NUDT3: variants seen among roughly 807,000 people sequenced by gnomAD.
The protein encoded by NUDT3 is nudix hydrolase 3, also known as diphosphoinositol polyphosphate phosphohydrolase 1.
In NUDT3, 9 loss-of-function variants were observed where a neutral mutation model predicts 23.6. The ratio of observed to expected loss-of-function variants is 0.38; its 90% CI spans 0.23 to 0.66. NUDT3 has a LOEUF of 0.66. NUDT3 is among the 30% of genes least tolerant of loss of function. The pLI is 0.52. For synonymous variants in NUDT3, 86 were observed against 82.6 expected, an observed-to-expected ratio of 1.04 and a Z score of -0.22; for missense variants, 172 against 218.5, an observed-to-expected ratio of 0.79 and a Z score of 1.34.
At chr6:34,343,097 A>G (rs1217321590) in intron 1 of NUDT3, among the ~76,000 whole-genome samples, 1 of 152,202 alleles carries the variant, frequency 6.6e-6, no homozygotes, top group African/African-American at 2.4e-5. Flanking sequence ...CTCAGTCACT[A>G]ATATATAGGC....
At chr6:34,367,722 C>T (rs1018709243) in intron 1 of NUDT3, among the ~76,000 whole-genome samples, 1 of 152,096 alleles carries the variant, frequency 6.6e-6, no homozygotes, top group Non-Finnish European at 1.5e-5. Context: ...TCTCATTTTA[C>T]CATAAAATAA....
chr6:34,379,251 T>G (rs1338729414), intron 1 of NUDT3, among the ~76,000 whole-genome samples: 3 of 152,196 alleles, frequency 2.0e-5, no homozygotes, highest in African/African-American at 7.2e-5. Context: ...TTTATACTTT[T>G]TATGACTTAT....
intron 1 of NUDT3, among the ~76,000 whole-genome samples, chr6:34,351,198 TAAAAAAAA>T (rs71000051): frequency 0.028 from 494 of 17,882 alleles, 36 homozygotes; most frequent in East Asian, 0.15. Context: ...CTCCCCTGCC[TAAAAAAAA>T]AAAAAAAAAA....
At position 34,370,125 on chromosome 6, in the gene NUDT3, A is replaced by G. The variant is rs561261147; in HGVS notation, c.99+22139T>C. The stretch of plus-strand genomic sequence containing the variant: ...CTCAAAATCCAAACAGATTATCCAT[A>G]GAACATTTATGACCATTTGCACCTG... On this transcript the variant is annotated intron_variant, in intron 1 of 4. Transcript: ENST00000607016. 2.0e-5 allele frequency among the ~76,000 whole-genome samples: 3 copies of G among 152,368 alleles called. No homozygotes were observed. In the South Asian group the frequency reaches 6.2e-4, roughly 32 times the overall value.
chr6:34,282,251 G>A lies in NUDT3; in HGVS notation c.*6502C>T, dbSNP rs989141359. ...ATAATAAAGAGGTTAAAGAGGCTAC[G>A]TGGATCTGTCACTGCTTTAGCTTAC... On this transcript the variant is annotated 3_prime_UTR_variant, in exon 5 of 5. Coordinates refer to ENST00000607016, the MANE Select transcript of NUDT3 (RefSeq NM_006703.4). The A allele has an allele frequency of 5.8e-4, 88 of 152,134 alleles. No homozygotes were observed. The highest frequency in any genetic ancestry group is 2.1e-3 in the African/African-American group (86 of 41,422). 9.4% of individuals were successfully genotyped at this position (152,134 alleles called of 1,614,324 possible).
At chr6:34,308,334 A>G (rs1361772622) in intron 2 of NUDT3, among the ~76,000 whole-genome samples, 2 of 151,372 alleles carry the variant, frequency 1.3e-5, no homozygotes, top group African/African-American at 4.9e-5. Context: ...GTGTGTGCCT[A>G]CATGTAATCA....
At chr6:34,309,500 C>T (rs1006282042) in intron 2 of NUDT3, among the ~76,000 whole-genome samples, 1 of 151,698 alleles carries the variant, frequency 6.6e-6, no homozygotes, top group East Asian at 1.9e-4. Flanking sequence ...CAAATTAAAT[C>T]CAAGTAAGCA....
intron 2 of NUDT3, among the ~76,000 whole-genome samples, chr6:34,331,541 T>A (rs1428811135): frequency 6.6e-6 from 1 of 152,176 alleles, no homozygotes; most frequent in African/African-American, 2.4e-5. Context: ...ACAGGTGGCA[T>A]GAGCCAGAGG....
chr6:34,359,170 G>A (rs1254967616), intron 1 of NUDT3, among the ~76,000 whole-genome samples: 4 of 152,122 alleles, frequency 2.6e-5, no homozygotes, highest in African/African-American at 7.2e-5. Context: ...TCAGGAGATC[G>A]AAACCATCCT....
chr6:34,387,570 T>C (rs957183620), intron 1 of NUDT3, among the ~76,000 whole-genome samples: 3 of 150,728 alleles, frequency 2.0e-5, no homozygotes, highest in Non-Finnish European at 4.4e-5. Context: ...CATGGCGGCA[T>C]ACACCAGTTG....
At chr6:34,301,685 C>A (rs965286149) in intron 2 of NUDT3, among the ~76,000 whole-genome samples, 20 of 152,336 alleles carry the variant, frequency 1.3e-4, no homozygotes, top group African/African-American at 4.8e-4. Context: ...CCAGCTGACA[C>A]CAGAAGTTGA....
intron 2 of NUDT3, among the ~76,000 whole-genome samples, chr6:34,333,478 A>T (rs1248852975): frequency 2.6e-5 from 4 of 152,226 alleles, no homozygotes; most frequent in Non-Finnish European, 4.4e-5. Flanking sequence ...AACCACTGCA[A>T]ACATTTTGGT....
intron 1 of NUDT3, among the ~76,000 whole-genome samples, chr6:34,342,599 C>T (rs1764305115): frequency 6.6e-6 from 1 of 152,194 alleles, no homozygotes; most frequent in Non-Finnish European, 1.5e-5. Flanking sequence ...AAAGACTTAG[C>T]CAGCATTCTG....
intron 2 of NUDT3, among the ~76,000 whole-genome samples, chr6:34,324,511 C>T (rs114239172): frequency 0.022 from 3,382 of 152,248 alleles, 67 homozygotes; most frequent in Non-Finnish European, 0.032. Context: ...CTCAAGTGAT[C>T]CTCCTGCCTT....
At position 34,282,085 on chromosome 6, in the gene NUDT3, A is replaced by G. The variant is rs117426174; in HGVS notation, c.*6668T>C. The G allele has an allele frequency of 9.8e-5, 15 of 152,334 alleles. No homozygotes were observed. Among genetic ancestry groups the G allele is most frequent in the South Asian group, 8.3e-4 (4 of 4,826 alleles). 9.4% of individuals were successfully genotyped at this position (152,334 alleles called of 1,614,324 possible). A position where few individuals can be genotyped will look rare whatever the true frequency, so the allele number is the denominator to read the frequency against. On this transcript the variant is annotated 3_prime_UTR_variant, in exon 5 of 5. Transcript: ENST00000607016. ...ATAATCAGCCTCTACCTTCCCTGGC[A>G]TAAGTCATATCTGTTATGCTGCAGG...
At chr6:34,357,752 T>C (rs1190473751) in intron 1 of NUDT3, among the ~76,000 whole-genome samples, 1 of 152,188 alleles carries the variant, frequency 6.6e-6, no homozygotes, top group Non-Finnish European at 1.5e-5. Context: ...TAAAACCAAA[T>C]AGATTTCAGA....
intron 1 of NUDT3, among the ~76,000 whole-genome samples, chr6:34,360,430 C>T (rs995802447): frequency 1.3e-5 from 2 of 151,814 alleles, no homozygotes; most frequent in African/African-American, 4.8e-5. Context: ...AAAAATTAGC[C>T]AGGCATGGTG....
chr6:34,320,159 A>G (rs1019167617), intron 2 of NUDT3, among the ~76,000 whole-genome samples: 2 of 152,188 alleles, frequency 1.3e-5, no homozygotes, highest in Non-Finnish European at 2.9e-5. Flanking sequence ...AACTCACACA[A>G]AAGGAAATAT....
chr6:34,292,684 A>G (rs1763442403), intron 4 of NUDT3, among the ~76,000 whole-genome samples: 2 of 152,142 alleles, frequency 1.3e-5, no homozygotes, highest in African/African-American at 2.4e-5. Context: ...ACTATTCTGT[A>G]TCTACTAAAT....
Sources: gnomAD v4.1 joint callset for allele counts (sites outside exome capture counted in the v4.1 genomes callset) on GRCh38, gnomAD v4.1.1 for gene constraint, MANE v1.5 for transcripts, NCBI Gene and HGNC (gene_info 2026-07-23, HGNC 2026-07-21) for gene names.